Variants in PDE7A observed in about 807,000 individuals in gnomAD.
PDE7A encodes high affinity 3',5'-cyclic-AMP phosphodiesterase 7A.
In PDE7A, 39 loss-of-function variants were observed where a neutral mutation model predicts 64.3. That is an observed-to-expected ratio of 0.61 (90% CI 0.47 to 0.79). The LOEUF (loss-of-function observed/expected upper bound fraction) is 0.79. PDE7A is among the 30% of genes least tolerant of loss of function. The pLI, the probability that PDE7A is intolerant of heterozygous loss-of-function variation, is 0.00. For synonymous variants in PDE7A, 203 were observed against 206.8 expected (o/e 0.98, Z 0.16); for missense variants, 470 against 582.8 (o/e 0.81, Z 1.99).
chr8:65,838,708 G>A (rs1381352404), intron 1 of PDE7A: 1 of 152,194 alleles, frequency 6.6e-6, no homozygotes, highest in Non-Finnish European at 1.5e-5. Flanking sequence ...AATGTCCCAG[G>A]GTGCTTGTAA....
intron 1 of PDE7A, among the ~76,000 whole-genome samples, chr8:65,818,244 C>A (rs1200689473): frequency 1.3e-5 from 2 of 151,930 alleles, no homozygotes; most frequent in Admixed American, 1.3e-4. Flanking sequence ...TATGCGTCAC[C>A]CTCTGTTTCT....
intron 5 of PDE7A, among the ~76,000 whole-genome samples, chr8:65,742,659 A>G (rs1180073906): frequency 2.0e-5 from 3 of 152,210 alleles, no homozygotes; most frequent in Non-Finnish European, 1.5e-5. Flanking sequence ...TTAAAAGGAA[A>G]GCCATTCTCA....
chr8:65,730,149 G>A (rs1806795548), intron 7 of PDE7A, among the ~76,000 whole-genome samples: 1 of 142,352 alleles, frequency 7.0e-6, no homozygotes, highest in Non-Finnish European at 1.5e-5. Context: ...CTGTGCATGT[G>A]AGGGATCCAG....
chr8:65,757,852 C>T (rs752642995), intron 3 of PDE7A, among the ~76,000 whole-genome samples: 2 of 152,152 alleles, frequency 1.3e-5, no homozygotes, highest in Non-Finnish European at 2.9e-5. Flanking sequence ...CTCCTGACCT[C>T]GTGATCCGAC....
intron 1 of PDE7A, among the ~76,000 whole-genome samples, chr8:65,839,255 T>C (rs1811021286): frequency 6.6e-6 from 1 of 152,092 alleles, no homozygotes; most frequent in South Asian, 2.1e-4. Flanking sequence ...CCTAAGTATC[T>C]TAAAATTACA....
chr8:65,791,076 A>G (rs1479924346), intron 1 of PDE7A, among the ~76,000 whole-genome samples: 1 of 152,236 alleles, frequency 6.6e-6, no homozygotes, highest in Non-Finnish European at 1.5e-5. Context: ...AACTGCTCAA[A>G]AAGAGTCAAG....
Position 65,716,528 on chromosome 8 carries a change from G to A in PDE7A, c.*2762C>T, listed in dbSNP as rs1430255583. 6.6e-6 allele frequency among the ~76,000 whole-genome samples: 1 copy of A among 152,084 alleles called. No homozygotes were observed. The highest frequency in any genetic ancestry group is 1.5e-5 in the Non-Finnish European group (1 of 68,030). On this transcript the variant is annotated 3_prime_UTR_variant, in exon 13 of 13. Transcript: ENST00000401827. ...CAAACATGAATATCACAGAAGACATGGGTCTTCTGTGCACCCAAAGGGACA... is the reference window on the plus strand; with the variant it reads ...CAAACATGAATATCACAGAAGACATAGGTCTTCTGTGCACCCAAAGGGACA...
chr8:65,837,924 A>C (rs962041723), intron 1 of PDE7A, among the ~76,000 whole-genome samples: 1 of 152,114 alleles, frequency 6.6e-6, no homozygotes, highest in Non-Finnish European at 1.5e-5. Context: ...GGATTTTCAG[A>C]CTAGGGCTGC....
At chr8:65,775,143 C>T (rs1809223286) in intron 3 of PDE7A, among the ~76,000 whole-genome samples, 1 of 152,012 alleles carries the variant, frequency 6.6e-6, no homozygotes, top group African/African-American at 2.4e-5. Context: ...TGGTGTTTTC[C>T]CCTCTTAGTT....
chr8:65,764,118 T>C (rs1049282908), intron 3 of PDE7A, among the ~76,000 whole-genome samples: 1 of 152,172 alleles, frequency 6.6e-6, no homozygotes, highest in Admixed American at 6.5e-5. Context: ...TGCTAATCTC[T>C]ACAAGCACCA....
chr8:65,749,371 G>A lies in PDE7A; in HGVS notation c.284-1568C>T, dbSNP rs76358403. On this transcript the variant is annotated intron_variant, in intron 3 of 12. Coordinates refer to ENST00000401827, the MANE Select transcript of PDE7A (RefSeq NM_001242318.3). Reference sequence around the variant, plus strand: ...TTCCCATACACACAAATAAACAGAAGTAAAATAATGCACACTGTTATGTGA... The same window carrying A: ...TTCCCATACACACAAATAAACAGAAATAAAATAATGCACACTGTTATGTGA... Among the ~76,000 whole-genome samples, 1,429 of 152,214 alleles carry A rather than the reference G, an allele frequency of 9.4e-3. 10 individuals carry two copies. Among genetic ancestry groups the A allele is most frequent in the East Asian group, 0.042 (220 of 5,190 alleles).
chr8:65,729,902 T>C (rs1806780662), intron 7 of PDE7A, among the ~76,000 whole-genome samples: 1 of 151,900 alleles, frequency 6.6e-6, no homozygotes, highest in Non-Finnish European at 1.5e-5. Context: ...ATTATGTCCA[T>C]CCTGAGAAAT....
Position 65,724,901 on chromosome 8 carries a change from A to G in PDE7A, c.941T>C (p.Ile314Thr), listed in dbSNP as rs1806546107. The stretch of plus-strand genomic sequence containing the variant: ...GTCTGTGGCTAGTATCAGAGCACCT[A>G]TCTGTGTCTCCATTTGTTGCCTGGA... ...LESRQQMETQ[I>T]GALILATDIS... is the part of the protein sequence containing the mutation. The change falls in exon 10 of 13, where the codon ATA becomes ACA. Residue 314 changes from isoleucine (I) to threonine (T), a missense_variant. Ile to Thr is a moderately conservative substitution (Grantham distance 89). Coordinates refer to ENST00000401827, the MANE Select transcript of PDE7A (RefSeq NM_001242318.3). 1.2e-6 allele frequency: 2 copies of G among 1,603,602 alleles called. No individual in the cohort carries two copies. The highest frequency in any genetic ancestry group is 1.7e-6 in the Non-Finnish European group (2 of 1,174,012).
At chr8:65,799,538 C>T (rs1809940863) in intron 1 of PDE7A, among the ~76,000 whole-genome samples, 1 of 152,132 alleles carries the variant, frequency 6.6e-6, no homozygotes, top group Non-Finnish European at 1.5e-5. Context: ...AAAGCTATTG[C>T]CTTAATCCAG....
At chr8:65,733,631 A>G (rs1419775039) in intron 7 of PDE7A, among the ~76,000 whole-genome samples, 2 of 152,142 alleles carry the variant, frequency 1.3e-5, no homozygotes, top group Non-Finnish European at 2.9e-5. Context: ...AGAGAAAAAA[A>G]AACAGTTGGG....
chr8:65,803,708 T>C (rs1810048184), intron 1 of PDE7A, among the ~76,000 whole-genome samples: 1 of 152,224 alleles, frequency 6.6e-6, no homozygotes, highest in Non-Finnish European at 1.5e-5. Flanking sequence ...TGAATTTATG[T>C]TTAAATGGAT....
chr8:65,819,007 C>T (rs1230654467), intron 1 of PDE7A, among the ~76,000 whole-genome samples: 1 of 152,248 alleles, frequency 6.6e-6, no homozygotes, highest in Non-Finnish European at 1.5e-5. Context: ...CTGACTCCCA[C>T]TGTTCTCACT....
chr8:65,735,239 A>G (rs987410081), intron 6 of PDE7A, among the ~76,000 whole-genome samples: 19 of 152,186 alleles, frequency 1.2e-4, no homozygotes, highest in African/African-American at 4.6e-4. Context: ...TCGCCGAGTG[A>G]GCGGGACAGA....
chr8:65,796,570 C>G (rs376027094), intron 1 of PDE7A, among the ~76,000 whole-genome samples: 1 of 152,126 alleles, frequency 6.6e-6, no homozygotes, highest in East Asian at 1.9e-4. Context: ...AAATGTAATT[C>G]AACATTAACA....
Sources: gnomAD v4.1 joint callset for allele counts (sites outside exome capture counted in the v4.1 genomes callset) on GRCh38, gnomAD v4.1.1 for gene constraint, MANE v1.5 for transcripts, NCBI Gene and HGNC (gene_info 2026-07-23, HGNC 2026-07-21) for gene names.